The following ADGRV1 variants were observed in gnomAD, a reference collection of about 807,000 sequenced individuals.
The protein encoded by ADGRV1 is adhesion G protein-coupled receptor V1, also known as G-protein coupled receptor 98.
ADGRV1 carries 359 observed loss-of-function variants against 596.2 expected under a neutral mutation model. The observed-to-expected ratio is 0.60, with a 90% CI of 0.55 to 0.66. ADGRV1 has a LOEUF of 0.66. Among genes scored for constraint, ADGRV1 ranks in the 30% least tolerant of loss-of-function variants. ADGRV1 has a pLI of 0.00. For missense variants in ADGRV1, 7,274 were observed against 7,575.6 expected (o/e 0.96, Z 1.48); for synonymous variants, 2,681 against 2,679.2 (o/e 1.00, Z -0.02).
At chr5:90,792,708 T>C (rs903177065) in intron 70 of ADGRV1, 1 of 152,208 alleles carries the variant, frequency 6.6e-6, no homozygotes, top group Admixed American at 6.5e-5. Flanking sequence ...TTGAAATAAA[T>C]GTGAGCTATA....
Position 90,686,183 on chromosome 5 carries a change from G to A in ADGRV1, c.6490+188G>A, listed in dbSNP as rs1441591105. Among the ~76,000 whole-genome samples the A allele has an allele frequency of 4.6e-5, 7 of 150,570 alleles. No individual in the cohort carries two copies. In the South Asian group the frequency reaches 1.5e-3, roughly 32 times the overall value. On this transcript the variant is annotated intron_variant, in intron 29 of 89. Coordinates refer to ENST00000405460, the MANE Select transcript of ADGRV1 (RefSeq NM_032119.4). ...TTTTTGGGGGGGGGGATGGAGTCTC[G>A]CTTGATTTTACAATTTTTTTATTTT...
chr5:90,777,818 T>C, intron 61 of ADGRV1, 87 bp from the exon 62 acceptor site: 1 of 1,186,274 alleles, frequency 8.4e-7, no homozygotes, highest in Non-Finnish European at 1.2e-6. Flanking sequence ...TGGATGAAAA[T>C]TGATTACTGT....
chr5:90,914,693 T>C (rs575742969), intron 83 of ADGRV1, among the ~76,000 whole-genome samples: 1 of 152,302 alleles, frequency 6.6e-6, no homozygotes. Flanking sequence ...CTAGATCCTT[T>C]CCATTAAGTT....
intron 1 of ADGRV1, among the ~76,000 whole-genome samples, chr5:90,565,372 T>C (rs1016068097): frequency 2.0e-5 from 3 of 152,216 alleles, no homozygotes; most frequent in Non-Finnish European, 4.4e-5. Flanking sequence ...TGGAAACCAG[T>C]AATCTATTTT....
intron 83 of ADGRV1, among the ~76,000 whole-genome samples, chr5:90,873,123 G>C (rs1399885681): frequency 5.3e-5 from 8 of 152,170 alleles, no homozygotes; most frequent in Admixed American, 6.5e-5. Context: ...GGAAGAAACT[G>C]TTCTTTTTCA....
intron 21 of ADGRV1, among the ~76,000 whole-genome samples, chr5:90,664,612 T>A (rs944499311): frequency 3.6e-5 from 5 of 137,852 alleles, no homozygotes; most frequent in African/African-American, 1.4e-4. Flanking sequence ...TATTTCCTTC[T>A]CCTGCCTAAT....
intron 86 of ADGRV1, among the ~76,000 whole-genome samples, chr5:91,081,201 G>A (rs1216713874): frequency 6.6e-6 from 1 of 151,986 alleles, no homozygotes; most frequent in Non-Finnish European, 1.5e-5. Flanking sequence ...TTCCATCATG[G>A]GGGCTCCACC....
intron 59 of ADGRV1, among the ~76,000 whole-genome samples, chr5:90,773,294 T>G (rs931625723): frequency 2.0e-5 from 3 of 152,210 alleles, no homozygotes; most frequent in Middle Eastern, 3.4e-3. Flanking sequence ...GGAAGAGTTT[T>G]GCAAAGGGAG....
Position 90,580,183 on chromosome 5 carries a change from A to G in ADGRV1, c.22+21266A>G, listed in dbSNP as rs547718473. Among the ~76,000 whole-genome samples the G allele has an allele frequency of 7.9e-5, 12 of 152,286 alleles. No individual in the cohort carries two copies. The East Asian group carries it at 2.3e-3, about 29-fold the overall frequency. ...TGTTAACTAGTTATTTTGCCCATTA[A>G]TTGATGCAGTTTCTTCACAGCATTG... On this transcript the variant is annotated intron_variant, in intron 1 of 89. Transcript: ENST00000405460.
chr5:90,680,479 T>C (rs1014860574), intron 26 of ADGRV1, among the ~76,000 whole-genome samples: 1 of 152,214 alleles, frequency 6.6e-6, no homozygotes, highest in Non-Finnish European at 1.5e-5. Flanking sequence ...TAGATTTATA[T>C]ACAAACATGA....
chr5:90,818,537 T>C (rs1017020843), intron 75 of ADGRV1, among the ~76,000 whole-genome samples: 2 of 150,348 alleles, frequency 1.3e-5, no homozygotes, highest in African/African-American at 4.9e-5. Flanking sequence ...TTCAGTATGA[T>C]ATTGGCTGTG....
At chr5:90,788,354 A>T in intron 68 of ADGRV1, 44 bp downstream of exon 68, 1 of 1,529,982 alleles carries the variant, frequency 6.5e-7, no homozygotes, top group Non-Finnish European at 8.9e-7. Flanking sequence ...GATTTCATGG[A>T]TTTATCAGAA....
chr5:90,625,489 A>G, intron 6 of ADGRV1: 1 of 313,450 alleles, frequency 3.2e-6, no homozygotes. Flanking sequence ...TACCCTGGTA[A>G]TCAATTTTTG....
intron 68 of ADGRV1, among the ~76,000 whole-genome samples, chr5:90,788,598 G>A (rs1478773042): frequency 6.6e-6 from 1 of 152,016 alleles, no homozygotes; most frequent in Non-Finnish European, 1.5e-5. Context: ...TAGAGCAGAG[G>A]TATTTGTTAT....
chr5:90,827,580 A>G (rs562653732), intron 76 of ADGRV1, among the ~76,000 whole-genome samples: 113 of 152,328 alleles, frequency 7.4e-4, no homozygotes, highest in African/African-American at 2.7e-3. Flanking sequence ...AAAAGAAACT[A>G]CTTTGAATTC....
chr5:91,145,071 C>A (rs1485002422), intron 87 of ADGRV1, among the ~76,000 whole-genome samples: 2 of 152,136 alleles, frequency 1.3e-5, no homozygotes, highest in Admixed American at 6.5e-5. Context: ...CCAGCTTGGG[C>A]TGGACACAGG....
intron 50 of ADGRV1, among the ~76,000 whole-genome samples, chr5:90,737,551 A>G (rs574485560): frequency 1.3e-5 from 2 of 152,004 alleles, no homozygotes; most frequent in African/African-American, 4.8e-5. Flanking sequence ...CTATTATTGT[A>G]TTGCAGTCTA....
intron 87 of ADGRV1, 83 bp downstream of exon 87, chr5:91,102,423 G>A: frequency 8.1e-7 from 1 of 1,231,492 alleles, no homozygotes; most frequent in South Asian, 1.7e-5. Flanking sequence ...AAAGAGTCAA[G>A]CATCCACACA....
chr5:90,726,389 C>G (rs1469696381), intron 48 of ADGRV1, among the ~76,000 whole-genome samples: 12 of 152,144 alleles, frequency 7.9e-5, no homozygotes, highest in Admixed American at 7.9e-4. Context: ...AAATTCCTCC[C>G]TTGATCTCAT....
Sources: allele counts gnomAD v4.1 joint callset (sites outside exome capture counted in the v4.1 genomes callset), GRCh38; gene constraint gnomAD v4.1.1; transcripts MANE v1.5; gene names NCBI Gene and HGNC (gene_info 2026-07-23, HGNC 2026-07-21).